The following RAPGEF2 variants were observed in gnomAD, a reference collection of about 807,000 sequenced individuals.
RAPGEF2 encodes the protein PDZ domain containing guanine nucleotide exchange factor (GEF) 1.
In RAPGEF2, 54 loss-of-function variants were observed where a neutral mutation model predicts 186.7. That is an observed-to-expected ratio of 0.29 (90% CI 0.23 to 0.36). The LOEUF (loss-of-function observed/expected upper bound fraction) is 0.36, where lower values mean the gene tolerates loss of function less well. RAPGEF2 is among the 10% of genes least tolerant of loss of function. RAPGEF2 has a pLI of 1.00. For synonymous variants in RAPGEF2, 712 were observed against 705.9 expected (o/e 1.01, Z -0.14); for missense variants, 1,532 against 2,045.0 (o/e 0.75, Z 4.84).
At chr4:159,128,691 T>C (rs1201203903) in intron 1 of RAPGEF2, 1 of 151,930 alleles carries the variant, frequency 6.6e-6, no homozygotes, top group African/African-American at 2.4e-5. Flanking sequence ...GCTTTCTCTT[T>C]GCCAAAACAT....
rs548881748 is a variant in RAPGEF2 at position 159,140,866 on chromosome 4, C to G, written c.69+36635C>G. The stretch of plus-strand genomic sequence containing the variant: ...TTTTTTTTTGAGACGGAGTCTCACT[C>G]TGTCGCCCAGGCTGGAGTGTAGTGG... On this transcript the variant is annotated intron_variant, in intron 1 of 29. Transcript: ENST00000691494. Among the ~76,000 whole-genome samples, 83 of 150,458 alleles carry G rather than the reference C, an allele frequency of 5.5e-4. 1 individual carries two copies. Among genetic ancestry groups the G allele is most frequent in the East Asian group, 1.6e-3 (8 of 5,138 alleles).
At chr4:159,220,155 C>T (rs1579500616) in intron 4 of RAPGEF2, among the ~76,000 whole-genome samples, 1 of 152,232 alleles carries the variant, frequency 6.6e-6, no homozygotes, top group African/African-American at 2.4e-5. Flanking sequence ...ATTGGTGAAA[C>T]AGAAAATTTC....
At chr4:159,270,055 G>C (rs552241144) in intron 7 of RAPGEF2, among the ~76,000 whole-genome samples, 1 of 152,300 alleles carries the variant, frequency 6.6e-6, no homozygotes, top group Admixed American at 6.5e-5. Flanking sequence ...TAACACTAGT[G>C]ATAAAATAAC....
chr4:159,345,196 C>T lies in RAPGEF2; in HGVS notation c.3369C>T (p.Leu1123=). 1 of 1,614,164 alleles carries T rather than the reference C, an allele frequency of 6.2e-7. No individual in the cohort carries two copies. Among genetic ancestry groups the T allele is most frequent in the Non-Finnish European group, 8.5e-7 (1 of 1,180,012 alleles). ...AGCGGGTACGTCGTAGTTCCTTTCT[C>T]AATGCCAAAAAGCTTTATGAAGATG... is the stretch of plus-strand genomic sequence containing the variant. ...HKKRVRRSSF[L]NAKKLYEDAQ... is the part of the protein sequence containing the mutation. The change falls in exon 24 of 30, where the codon CTC becomes CTT. Residue 1123 remains leucine (L), a synonymous_variant. Transcript: ENST00000691494.
chr4:159,322,157 C>G (rs1346252660), intron 9 of RAPGEF2, among the ~76,000 whole-genome samples, 190 bp from the exon 10 acceptor site: 1 of 152,208 alleles, frequency 6.6e-6, no homozygotes, highest in African/African-American at 2.4e-5. Context: ...TAAGAGTCAT[C>G]ATTTCCACAG....
intron 1 of RAPGEF2, among the ~76,000 whole-genome samples, chr4:159,136,871 G>A (rs1302910206): frequency 2.0e-5 from 3 of 152,092 alleles, no homozygotes; most frequent in East Asian, 3.9e-4. Context: ...TAAAAAAATA[G>A]AGCCTGCACC....
chr4:159,118,969 T>C (rs1307145139), intron 1 of RAPGEF2, among the ~76,000 whole-genome samples: 1 of 152,250 alleles, frequency 6.6e-6, no homozygotes. Context: ...GTAGTTGATA[T>C]TCATTACTCT....
chr4:159,155,969 A>G (rs1561021693), intron 1 of RAPGEF2, among the ~76,000 whole-genome samples: 1 of 152,206 alleles, frequency 6.6e-6, no homozygotes, highest in Non-Finnish European at 1.5e-5. Flanking sequence ...CAAATATTTG[A>G]AGATTTTTCT....
At chr4:159,342,847 A>G (rs1423759340) in intron 20 of RAPGEF2, 132 bp from the exon 21 acceptor site, 16 of 849,628 alleles carry the variant, frequency 1.9e-5, no homozygotes, top group Admixed American at 2.7e-5. Context: ...ATTATCATGA[A>G]CAGTTTCTTA....
At position 159,356,330 on chromosome 4, in the gene RAPGEF2, T is replaced by C. The variant is rs28503193; in HGVS notation, c.4957+172T>C. On this transcript the variant is annotated intron_variant, in intron 29 of 29. Coordinates refer to ENST00000691494, the MANE Select transcript of RAPGEF2 (RefSeq NM_001394067.2). ...TTAGGGTTACAGCTGTTGACTGCTTTCTTTTGTGTGTGTGTGTGTGTTTCC... is the reference window on the plus strand; with the variant it reads ...TTAGGGTTACAGCTGTTGACTGCTTCCTTTTGTGTGTGTGTGTGTGTTTCC... Among the ~76,000 whole-genome samples the C allele has an allele frequency of 7.5e-3, 1,136 of 152,134 alleles. 10 individuals carry two copies. The highest frequency in any genetic ancestry group is 0.026 in the African/African-American group (1,074 of 41,372).
chr4:159,153,624 A>G (rs1195125616), intron 1 of RAPGEF2, among the ~76,000 whole-genome samples: 1 of 152,182 alleles, frequency 6.6e-6, no homozygotes, highest in African/African-American at 2.4e-5. Flanking sequence ...CTGACCTATC[A>G]CTGACTTTCT....
intron 2 of RAPGEF2, among the ~76,000 whole-genome samples, chr4:159,191,899 A>G (rs1377950474): frequency 1.3e-5 from 2 of 152,170 alleles, no homozygotes; most frequent in African/African-American, 2.4e-5. Flanking sequence ...GTTACATATT[A>G]GAGGACGTGA....
chr4:159,342,906 G>A (rs1296199371), intron 20 of RAPGEF2, 73 bp from the exon 21 acceptor site: 4 of 1,290,070 alleles, frequency 3.1e-6, no homozygotes, highest in Non-Finnish European at 4.4e-6. Context: ...ACATAGAGAT[G>A]TTATATGTCA....
chr4:159,327,829 ATATGACCATAT>A (rs1766141326), intron 11 of RAPGEF2: 4 of 151,918 alleles, frequency 2.6e-5, no homozygotes, highest in Non-Finnish European at 4.4e-5. Flanking sequence ...TACCAGTTCT[ATATGACCATAT>A]TAGAAATTCA....
intron 7 of RAPGEF2, among the ~76,000 whole-genome samples, chr4:159,295,180 A>G (rs867400198): frequency 2.3e-4 from 35 of 152,354 alleles, no homozygotes; most frequent in Middle Eastern, 6.8e-3. Context: ...GGAATTTAAA[A>G]TAGATGAAAT....
chr4:159,301,742 C>T (rs1185698295), intron 7 of RAPGEF2, among the ~76,000 whole-genome samples: 1 of 152,124 alleles, frequency 6.6e-6, no homozygotes, highest in Non-Finnish European at 1.5e-5. Flanking sequence ...GCCTGTGGTT[C>T]CAACTACTCA....
chr4:159,194,855 A>T lies in RAPGEF2; in HGVS notation c.197+1599A>T, dbSNP rs190659465. ...CTATCTACCTGTTCCCTCAAAGGTAATACCTGTGGTTGTATGAAAATATGA... is the reference window on the plus strand; with the variant it reads ...CTATCTACCTGTTCCCTCAAAGGTATTACCTGTGGTTGTATGAAAATATGA... On this transcript the variant is annotated intron_variant, in intron 3 of 29. Coordinates refer to ENST00000691494, the MANE Select transcript of RAPGEF2 (RefSeq NM_001394067.2). Among the ~76,000 whole-genome samples, 25 of 152,320 alleles carry T rather than the reference A, an allele frequency of 1.6e-4. No individual in the cohort carries two copies. In the East Asian group the frequency reaches 4.8e-3, roughly 29 times the overall value.
At chr4:159,197,546 G>GTT (rs758899693) in intron 3 of RAPGEF2, among the ~76,000 whole-genome samples, 2 of 152,170 alleles carry the variant, frequency 1.3e-5, no homozygotes, top group Non-Finnish European at 2.9e-5. Flanking sequence ...TTTGTAAGGG[G>GTT]TTTCTCTCTC....
intron 7 of RAPGEF2, among the ~76,000 whole-genome samples, chr4:159,295,293 A>G (rs1761802232): frequency 6.6e-6 from 1 of 152,144 alleles, no homozygotes; most frequent in Admixed American, 6.5e-5. Flanking sequence ...ATTTTTTGGA[A>G]TCTCCCAAAG....
Sources: gnomAD v4.1 joint callset for allele counts (sites outside exome capture counted in the v4.1 genomes callset) on GRCh38, gnomAD v4.1.1 for gene constraint, MANE v1.5 for transcripts, NCBI Gene and HGNC (gene_info 2026-07-23, HGNC 2026-07-21) for gene names.